Variants in GALNT18 observed in about 807,000 individuals in gnomAD.
GALNT18 encodes the protein GalNAc-transferase 18.
In GALNT18, 44 loss-of-function variants were observed where a neutral mutation model predicts 69.5. The ratio of observed to expected loss-of-function variants is 0.63; its 90% CI spans 0.50 to 0.81. GALNT18 has a LOEUF of 0.81. Among genes scored for constraint, GALNT18 ranks in the 40% least tolerant of loss-of-function variants. The pLI is 0.00. For synonymous variants in GALNT18, 364 were observed against 318.2 expected (o/e 1.14, Z -1.53); for missense variants, 715 against 810.0 (o/e 0.88, Z 1.42).
At chr11:11,578,330 CAAAAAA>C (rs57579910) in intron 1 of GALNT18, among the ~76,000 whole-genome samples, 124 of 120,600 alleles carry the variant, frequency 1.0e-3, no homozygotes, top group African/African-American at 4.3e-3. Flanking sequence ...TAAAAAGAAC[CAAAAAA>C]AAAAAAAAAA....
In GALNT18 at chr11:11,454,021, T is replaced by G. The variant is rs774193039; in HGVS notation, c.236-5085A>C. On this transcript the variant is annotated intron_variant, in intron 1 of 10. Transcript: ENST00000227756. This position sits in a 1 kb window ranked among gnomAD's most constrained non-coding sequence, Gnocchi z 4.2. ...CAGACTCAGAACAGCATCTGGCGCC[T>G]AGTAGGTGCTTAACCAATACCAGTA... Among the ~76,000 whole-genome samples, 29 of 152,054 alleles carry G rather than the reference T, an allele frequency of 1.9e-4. No individual in the cohort carries two copies. The highest frequency in any genetic ancestry group is 1.1e-3 in the Admixed American group (17 of 15,274).
intron 10 of GALNT18, among the ~76,000 whole-genome samples, chr11:11,282,716 G>A (rs1365707681): frequency 6.6e-6 from 1 of 152,096 alleles, no homozygotes; most frequent in South Asian, 2.1e-4. Flanking sequence ...TCCTCTGAGG[G>A]CCCTCTGCAG....
At chr11:11,450,165 T>A (rs1041471653) in intron 1 of GALNT18, among the ~76,000 whole-genome samples, 5 of 152,054 alleles carry the variant, frequency 3.3e-5, no homozygotes, top group Non-Finnish European at 5.9e-5. Flanking sequence ...AATGAGACAG[T>A]GATCAGAAAA....
At chr11:11,481,290 CTCG>C (rs144052409) in intron 1 of GALNT18, among the ~76,000 whole-genome samples, 146,642 of 152,204 alleles carry the variant, frequency 0.96, 70,843 homozygotes, top group East Asian at 1. Context: ...CCCTGTGCTC[CTCG>C]CTGAGCATGA....
Position 11,541,890 on chromosome 11 carries a change from G to T in GALNT18, c.235+79469C>A, listed in dbSNP as rs935524471. ...AGCCTGGCCACCCTTCCAGAGAGCT[G>T]TCCTGACACACCTCGCTGGCCACAA... On this transcript the variant is annotated intron_variant, in intron 1 of 10. Coordinates refer to ENST00000227756, the MANE Select transcript of GALNT18 (RefSeq NM_198516.3). This position sits in a 1 kb window ranked among gnomAD's most constrained non-coding sequence, Gnocchi z 4.8. Among the ~76,000 whole-genome samples the T allele has an allele frequency of 1.3e-5, 2 of 152,052 alleles. No homozygotes were observed. Among genetic ancestry groups the T allele is most frequent in the African/African-American group, 4.8e-5 (2 of 41,416 alleles).
rs1047234644 is a variant in GALNT18 at position 11,387,917 on chromosome 11, G to C, written c.596-8653C>G. Among the ~76,000 whole-genome samples, 1 of 152,148 alleles carries C rather than the reference G, an allele frequency of 6.6e-6. No individual in the cohort carries two copies. The highest frequency in any genetic ancestry group is 1.5e-5 in the Non-Finnish European group (1 of 68,024). Reference sequence around the variant, plus strand: ...CACTCCAGACAAGCTTTCAAACCCTGGGCAGTTTACAAATGCCTTCCCCGA... The same window carrying C: ...CACTCCAGACAAGCTTTCAAACCCTCGGCAGTTTACAAATGCCTTCCCCGA... On this transcript the variant is annotated intron_variant, in intron 3 of 10. Coordinates refer to ENST00000227756, the MANE Select transcript of GALNT18 (RefSeq NM_198516.3). This position sits in a 1 kb window ranked among gnomAD's most constrained non-coding sequence, Gnocchi z 4.6.
rs1459025416 is a variant in GALNT18 at position 11,315,468 on chromosome 11, GC to G, written c.1512+11617del. 6.6e-6 allele frequency among the ~76,000 whole-genome samples: 1 copy of G among 152,210 alleles called. No individual in the cohort carries two copies. The highest frequency in any genetic ancestry group is 1.5e-5 in the Non-Finnish European group (1 of 68,038). On this transcript the variant is annotated intron_variant, in intron 9 of 10. Transcript: ENST00000227756. This position sits in a 1 kb window ranked among gnomAD's most constrained non-coding sequence, Gnocchi z 5.6. The stretch of plus-strand genomic sequence containing the variant: ...GGTCTTCATGGATTCTCAAAGGGCT[GC>G]TGGAATGAAGGGAGCCACCCCAGCC...
intron 1 of GALNT18, among the ~76,000 whole-genome samples, chr11:11,471,669 T>G (rs1314851771): frequency 6.6e-6 from 1 of 152,184 alleles, no homozygotes; most frequent in South Asian, 2.1e-4. Context: ...ATAAGAACCC[T>G]TGTAGAAGCA....
At position 11,605,436 on chromosome 11, in the gene GALNT18, A is replaced by T. The variant is rs1859727853; in HGVS notation, c.235+15923T>A. The stretch of plus-strand genomic sequence containing the variant: ...GCGAAACAGCAAGTCCTAACTTGCC[A>T]GGCCGCCAGTCACCGCCACCCTGAA... On this transcript the variant is annotated intron_variant, in intron 1 of 10. Coordinates refer to ENST00000227756, the MANE Select transcript of GALNT18 (RefSeq NM_198516.3). The surrounding 1 kb of genome is among the most constrained non-coding windows in gnomAD (Gnocchi z 4.7). 6.6e-6 allele frequency among the ~76,000 whole-genome samples: 1 copy of T among 152,190 alleles called. No individual in the cohort carries two copies. Among genetic ancestry groups the T allele is most frequent in the Admixed American group, 6.5e-5 (1 of 15,290 alleles).
chr11:11,473,423 T>C (rs1224856856), intron 1 of GALNT18, among the ~76,000 whole-genome samples: 2 of 152,234 alleles, frequency 1.3e-5, no homozygotes, highest in Non-Finnish European at 1.5e-5. Context: ...GAATCTGCAT[T>C]TCAACATAAA....
intron 1 of GALNT18, among the ~76,000 whole-genome samples, chr11:11,534,920 C>T (rs747897032): frequency 3.9e-5 from 6 of 152,232 alleles, no homozygotes; most frequent in Non-Finnish European, 7.3e-5. Context: ...CCCTGCAGCA[C>T]GGGAGGAAAA....
At chr11:11,476,253 A>G (rs1856394296) in intron 1 of GALNT18, 1 of 152,198 alleles carries the variant, frequency 6.6e-6, no homozygotes, top group Non-Finnish European at 1.5e-5. Context: ...ACATCCAAAC[A>G]TTAATAACAG....
In GALNT18 at chr11:11,606,687, C is replaced by T. The variant is rs1198417882; in HGVS notation, c.235+14672G>A. Among the ~76,000 whole-genome samples the T allele has an allele frequency of 6.6e-6, 1 of 152,180 alleles. No homozygotes were observed. The highest frequency in any genetic ancestry group is 1.5e-5 in the Non-Finnish European group (1 of 68,036). ...GCTGCCCACCTCTTTGTCCCATAAGCACCTGGTTTCATCTGAGGACAAACA... is the reference window on the plus strand; with the variant it reads ...GCTGCCCACCTCTTTGTCCCATAAGTACCTGGTTTCATCTGAGGACAAACA... On this transcript the variant is annotated intron_variant, in intron 1 of 10. Transcript: ENST00000227756. This position sits in a 1 kb window ranked among gnomAD's most constrained non-coding sequence, Gnocchi z 5.4.
At chr11:11,289,375 TTAAG>T (rs1849256725) in intron 10 of GALNT18, among the ~76,000 whole-genome samples, 1 of 152,190 alleles carries the variant, frequency 6.6e-6, no homozygotes, top group South Asian at 2.1e-4. Context: ...CCGGGGAGTT[TTAAG>T]TAGACATATG....
At chr11:11,419,596 C>CAAAAAAAAA (rs58012512) in intron 3 of GALNT18, among the ~76,000 whole-genome samples, 26 of 26,618 alleles carry the variant, frequency 9.8e-4, no homozygotes, top group African/African-American at 2.2e-3. Context: ...GATCCTGTCT[C>CAAAAAAAAA]AAAAAAAAAA....
chr11:11,377,181 C>G lies in GALNT18; in HGVS notation c.977+1G>C. On this transcript the variant is annotated splice_donor_variant, in intron 5 of 10. Coordinates refer to ENST00000227756, the MANE Select transcript of GALNT18 (RefSeq NM_198516.3). LOFTEE classifies it high-confidence loss of function. This position sits in a 1 kb window ranked among gnomAD's most constrained non-coding sequence, Gnocchi z 4.6. ...GACCCACAGGTAAAGGTTTGCTTTA[C>G]CTGATTGGCGCTGTGGAGTTCTCCA... 1 of 1,612,674 alleles carries G rather than the reference C, an allele frequency of 6.2e-7. No homozygotes were observed. Among genetic ancestry groups the G allele is most frequent in the East Asian group, 2.2e-5 (1 of 44,876 alleles).
intron 9 of GALNT18, among the ~76,000 whole-genome samples, chr11:11,294,281 G>A (rs1344216196): frequency 6.6e-6 from 1 of 152,210 alleles, no homozygotes; most frequent in Non-Finnish European, 1.5e-5. Flanking sequence ...GTCTACCAGA[G>A]AATTACGTTA....
In GALNT18 at chr11:11,465,173, T is replaced by C. The variant is rs1348602486; in HGVS notation, c.236-16237A>G. 6.6e-6 allele frequency among the ~76,000 whole-genome samples: 1 copy of C among 152,098 alleles called. No homozygotes were observed. Among genetic ancestry groups the C allele is most frequent in the African/African-American group, 2.4e-5 (1 of 41,412 alleles). On this transcript the variant is annotated intron_variant, in intron 1 of 10. Coordinates refer to ENST00000227756, the MANE Select transcript of GALNT18 (RefSeq NM_198516.3). This position sits in a 1 kb window ranked among gnomAD's most constrained non-coding sequence, Gnocchi z 5.7. Reference sequence around the variant, plus strand: ...CCTTGGGATGCCTGAGGAAGGTCTGTTCCCAGATCCTCAGCCCCATTCCTG... The same window carrying C: ...CCTTGGGATGCCTGAGGAAGGTCTGCTCCCAGATCCTCAGCCCCATTCCTG...
rs1857174037 is a variant in GALNT18 at position 11,511,964 on chromosome 11, T to G, written c.236-63028A>C. 6.6e-6 allele frequency among the ~76,000 whole-genome samples: 1 copy of G among 152,216 alleles called. No individual in the cohort carries two copies. The highest frequency in any genetic ancestry group is 2.4e-5 in the African/African-American group (1 of 41,434). On this transcript the variant is annotated intron_variant, in intron 1 of 10. Coordinates refer to ENST00000227756, the MANE Select transcript of GALNT18 (RefSeq NM_198516.3). This position sits in a 1 kb window ranked among gnomAD's most constrained non-coding sequence, Gnocchi z 4.9. ...TCAAACTGATCAACACATATACATA[T>G]GTATATGTATGCATACCATCATATG... is the stretch of plus-strand genomic sequence containing the variant.
Sources: gnomAD v4.1 joint callset for allele counts (sites outside exome capture counted in the v4.1 genomes callset) on GRCh38, gnomAD v4.1.1 for gene constraint, Gnocchi (gnomAD v3.1) non-coding constraint, MANE v1.5 for transcripts, NCBI Gene and HGNC (gene_info 2026-07-23, HGNC 2026-07-21) for gene names.